ATP2B2: variants seen among roughly 807,000 people sequenced by gnomAD.
ATP2B2 encodes the protein ATPase plasma membrane Ca2+ transporting 2, also known as plasma membrane calcium-transporting ATPase 2.
In ATP2B2, 15 loss-of-function variants were observed where a neutral mutation model predicts 120.0. The observed-to-expected ratio is 0.12, with a 90% CI of 0.08 to 0.19. The LOEUF is 0.19. Ranked by LOEUF, ATP2B2 falls within the 10% of genes least tolerant of loss-of-function variation. ATP2B2 has a pLI of 1.00. For missense variants in ATP2B2, 1,045 were observed against 1,719.8 expected (o/e 0.61, Z 6.94); for synonymous variants, 694 against 700.3 (o/e 0.99, Z 0.14).
chr3:10,509,499 A>G (rs2066717085), upstream of ATP2B2, among the ~76,000 whole-genome samples: 1 of 152,148 alleles, frequency 6.6e-6, no homozygotes, highest in Non-Finnish European at 1.5e-5. Flanking sequence ...CATTTTACAG[A>G]AAAGAAAATT....
At chr3:10,600,830 G>A (rs1303205895) in intron 2 of ATP2B2, among the ~76,000 whole-genome samples, 1 of 152,208 alleles carries the variant, frequency 6.6e-6, no homozygotes, top group Non-Finnish European at 1.5e-5. Flanking sequence ...GTGAGGGCAT[G>A]GGGAGGGAGA....
At chr3:10,550,096 G>A (rs931759661) in intron 2 of ATP2B2, among the ~76,000 whole-genome samples, 7 of 152,230 alleles carry the variant, frequency 4.6e-5, no homozygotes, top group Admixed American at 4.6e-4. Flanking sequence ...GACAGGTCTT[G>A]GGAACTTAGC....
chr3:10,638,018 A>T (rs1029844191), intron 1 of ATP2B2, among the ~76,000 whole-genome samples: 36 of 152,202 alleles, frequency 2.4e-4, no homozygotes, highest in African/African-American at 8.7e-4. Flanking sequence ...AAAAAGAAGA[A>T]ACACACTGTA....
intron 1 of ATP2B2, among the ~76,000 whole-genome samples, chr3:10,647,564 C>T (rs1559503203): frequency 3.3e-5 from 5 of 152,204 alleles, no homozygotes; most frequent in South Asian, 4.2e-4. Flanking sequence ...AGGAGGGTCC[C>T]CTGTATCTGT....
intron 2 of ATP2B2, among the ~76,000 whole-genome samples, chr3:10,579,492 G>A (rs1407896404): frequency 6.6e-6 from 1 of 152,162 alleles, no homozygotes; most frequent in Admixed American, 6.6e-5. Flanking sequence ...GGCTAACATG[G>A]TGAAACCCCC....
intron 2 of ATP2B2, among the ~76,000 whole-genome samples, chr3:10,581,333 G>A (rs866684282): frequency 3.3e-5 from 5 of 152,248 alleles, no homozygotes; most frequent in African/African-American, 7.2e-5. Context: ...GGCAGAATCT[G>A]AGCTGAGTCA....
chr3:10,415,164 C>G (rs575875891), intron 2 of ATP2B2, among the ~76,000 whole-genome samples: 35 of 152,242 alleles, frequency 2.3e-4, no homozygotes, highest in Admixed American at 4.6e-4. Context: ...TCACCTCTCA[C>G]TGCCTTCATT....
intron 1 of ATP2B2, among the ~76,000 whole-genome samples, chr3:10,703,590 C>T (rs1218040219): frequency 6.6e-6 from 1 of 152,214 alleles, no homozygotes; most frequent in Non-Finnish European, 1.5e-5. Flanking sequence ...GATCAGCACA[C>T]ACCTTTTAGC....
intron 3 of ATP2B2, among the ~76,000 whole-genome samples, chr3:10,521,223 C>T (rs752102923): frequency 1.2e-4 from 19 of 152,208 alleles, no homozygotes; most frequent in Admixed American, 7.9e-4. Context: ...CCTGCACCTG[C>T]CCCCACACAA....
At chr3:10,372,117 A>C in intron 11 of ATP2B2, 66 bp from the exon 12 acceptor site, 2 of 1,608,472 alleles carry the variant, frequency 1.2e-6, no homozygotes, top group South Asian at 1.1e-5. Flanking sequence ...GGGTGCCTGG[A>C]GGCACTGGGT....
chr3:10,547,677 C>G (rs1236421513), intron 2 of ATP2B2, among the ~76,000 whole-genome samples: 1 of 152,122 alleles, frequency 6.6e-6, no homozygotes, highest in African/African-American at 2.4e-5. Flanking sequence ...GAAGACAGAT[C>G]CTTGTTCTCA....
intron 1 of ATP2B2, among the ~76,000 whole-genome samples, chr3:10,652,323 G>C (rs918071308): frequency 1.3e-5 from 2 of 152,160 alleles, no homozygotes; most frequent in African/African-American, 4.8e-5. Flanking sequence ...CCCTTCCCTA[G>C]CTACATCAGA....
At chr3:10,513,563 G>A (rs2066818158) in intron 3 of ATP2B2, among the ~76,000 whole-genome samples, 2 of 152,208 alleles carry the variant, frequency 1.3e-5, no homozygotes, top group African/African-American at 2.4e-5. Flanking sequence ...GTGCAGCACA[G>A]TCATGTCTTG....
intron 1 of ATP2B2, among the ~76,000 whole-genome samples, chr3:10,705,158 TTC>T (rs1161612568): frequency 1.3e-5 from 2 of 152,176 alleles, no homozygotes; most frequent in Non-Finnish European, 2.9e-5. Flanking sequence ...GCACAACAAA[TTC>T]TCTCTTTGCT....
chr3:10,615,022 A>G (rs901575195), intron 2 of ATP2B2, among the ~76,000 whole-genome samples: 2 of 152,144 alleles, frequency 1.3e-5, no homozygotes, highest in African/African-American at 4.8e-5. Flanking sequence ...CTACCCTGTG[A>G]GTAGAGTGAG....
intron 3 of ATP2B2, among the ~76,000 whole-genome samples, chr3:10,403,349 A>G (rs546361917): frequency 6.6e-6 from 1 of 152,302 alleles, no homozygotes; most frequent in Admixed American, 6.5e-5. Context: ...CCGTTGCACC[A>G]CTGAGCCTCC....
rs571303483 is a variant in ATP2B2 at position 10,497,730 on chromosome 3, G to A, written c.-320+7735C>T. Among the ~76,000 whole-genome samples the A allele has an allele frequency of 1.5e-4, 23 of 152,248 alleles. No homozygotes were observed. The South Asian group carries it at 3.7e-3, about 25-fold the overall frequency. ...TGCTTTAAATTCCTCCTTGTACTAC[G>A]GTCTTTGCTGTTTGTTTTGCACGGC... On this transcript the variant is annotated intron_variant, in intron 1 of 22. Transcript: ENST00000360273.
chr3:10,455,574 C>A (rs570729286), intron 1 of ATP2B2, among the ~76,000 whole-genome samples: 1 of 152,342 alleles, frequency 6.6e-6, no homozygotes, highest in African/African-American at 2.4e-5. Flanking sequence ...GTCCCCCCTG[C>A]TCCCCTCCTC....
chr3:10,543,001 C>A (rs561571591), intron 2 of ATP2B2, among the ~76,000 whole-genome samples: 1 of 152,258 alleles, frequency 6.6e-6, no homozygotes, highest in African/African-American at 2.4e-5. Flanking sequence ...TAAATCAAGG[C>A]TCTGTTCATT....
Sources: allele counts gnomAD v4.1 joint callset (sites outside exome capture counted in the v4.1 genomes callset), GRCh38; gene constraint gnomAD v4.1.1; transcripts MANE v1.5; gene names NCBI Gene and HGNC (gene_info 2026-07-23, HGNC 2026-07-21).